Variants in NIPA2 observed in about 807,000 individuals in gnomAD.
NIPA2 encodes NIPA magnesium transporter 2, also known as magnesium transporter NIPA2.
NIPA2 carries 11 observed loss-of-function variants against 29.7 expected under a neutral mutation model. The ratio of observed to expected loss-of-function variants is 0.37; its 90% CI spans 0.23 to 0.61. NIPA2 has a LOEUF of 0.61. NIPA2 is among the 20% of genes least tolerant of loss of function. The probability of loss-of-function intolerance (pLI) is 0.66; values close to 1 mark genes in which losing one functional copy is unlikely to be tolerated. For synonymous variants in NIPA2, 183 were observed against 161.9 expected (o/e 1.13, Z -0.99); for missense variants, 426 against 437.9 (o/e 0.97, Z 0.24).
Position 22,860,747 on chromosome 15 carries a change from A to G in NIPA2, c.406A>G (p.Ile136Val), listed in dbSNP as rs979710423. The G allele has an allele frequency of 4.4e-6, 7 of 1,601,208 alleles. No individual in the cohort carries two copies. Among genetic ancestry groups the G allele is most frequent in the Non-Finnish European group, 6.0e-6 (7 of 1,176,462 alleles). Residue 136 changes from isoleucine (I) to valine (V), a missense_variant, in exon 7 of 8, where the codon ATT becomes GTT. Physicochemically the swap from Ile to Val is conservative, Grantham distance 29. Around this residue, in one of 3 missense-constraint regions of NIPA2, gnomAD observed 357 missense variants for 339.8 expected, o/e 1.05. Transcript: ENST00000337451. ...CATTCATGCTCCAAAGGAAGAGGAG[A>G]TTGAGACTTTAAATGAAATGTCTCA... Reference protein sequence around the residue: ...MVIHAPKEEEIETLNEMSHKL... With the variant: ...MVIHAPKEEEVETLNEMSHKL...
intron 7 of NIPA2, among the ~76,000 whole-genome samples, chr15:22,862,117 G>A (rs1283041660): frequency 7.1e-6 from 1 of 141,422 alleles, no homozygotes; most frequent in Non-Finnish European, 1.5e-5. Context: ...GCGTGATCTC[G>A]GCTCACTGCA....
chr15:22,847,263 G>A (rs951063454), intron 3 of NIPA2, among the ~76,000 whole-genome samples: 1 of 151,866 alleles, frequency 6.6e-6, no homozygotes, highest in African/African-American at 2.4e-5. Context: ...CTTTTTTCTG[G>A]ATATCATCTT....
chr15:22,844,095 G>C (rs1897903256), intron 2 of NIPA2, among the ~76,000 whole-genome samples: 1 of 152,172 alleles, frequency 6.6e-6, no homozygotes, highest in Non-Finnish European at 1.5e-5. Flanking sequence ...TTCCTTATTA[G>C]AATACTAGTC....
Position 22,866,835 on chromosome 15 carries a change from G to T in NIPA2, c.1071G>T (p.Leu357=). ...ATGTCTCCCGAAGAAATGGAAATCTGACAGCTTTTTAAGAAAGGTGTAATT... is the reference window on the plus strand; with the variant it reads ...ATGTCTCCCGAAGAAATGGAAATCTTACAGCTTTTTAAGAAAGGTGTAATT... ...GENVSRRNGN[L]TAF is the part of the protein sequence containing the mutation. Residue 357 remains leucine, a synonymous_variant, in exon 8 of 8, where the codon CTG becomes CTT. Coordinates refer to ENST00000337451, the MANE Select transcript of NIPA2 (RefSeq NM_030922.7). The T allele has an allele frequency of 6.3e-7, 1 of 1,585,054 alleles. No homozygotes were observed. The highest frequency in any genetic ancestry group is 1.1e-5 in the South Asian group (1 of 87,266).
intron 2 of NIPA2, among the ~76,000 whole-genome samples, chr15:22,844,373 A>G (rs1179486032): frequency 1.3e-5 from 2 of 151,968 alleles, no homozygotes; most frequent in Non-Finnish European, 2.9e-5. Context: ...AGCCTGGCCA[A>G]CATAGTGAAA....
Position 22,867,487 on chromosome 15 carries a change from C to CTCA in NIPA2, c.*644_*646dup, listed in dbSNP as rs1454498244. The CTCA allele has an allele frequency of 2.6e-5, 8 of 307,168 alleles. No homozygotes were observed. The highest frequency in any genetic ancestry group is 4.3e-5 in the African/African-American group (2 of 46,744). 19.0% of individuals were successfully genotyped at this position (307,168 alleles called of 1,614,324 possible). A position where few individuals can be genotyped will look rare whatever the true frequency, so the allele number is the denominator to read the frequency against. On this transcript the variant is annotated 3_prime_UTR_variant, in exon 8 of 8. Transcript: ENST00000337451. The stretch of plus-strand genomic sequence containing the variant: ...TCTGAGCATTCGATGGCCTTAGCAC[C>CTCA]TCATCAAGCCAGCACATCCTGCCTG...
In NIPA2 at chr15:22,868,384, A is replaced by G. The variant is rs1018648842; in HGVS notation, c.*1537A>G. The G allele has an allele frequency of 1.4e-4, 22 of 152,200 alleles. No individual in the cohort carries two copies. The highest frequency in any genetic ancestry group is 4.8e-4 in the African/African-American group (20 of 41,440). 9.4% of individuals were successfully genotyped at this position (152,200 alleles called of 1,614,324 possible). A position where few individuals can be genotyped will look rare whatever the true frequency, so the allele number is the denominator to read the frequency against. On this transcript the variant is annotated 3_prime_UTR_variant, in exon 8 of 8. Coordinates refer to ENST00000337451, the MANE Select transcript of NIPA2 (RefSeq NM_030922.7). ...AATAAATAATAAATTCTTATTTAAC[A>G]TTTTGTAGCACTTGAGATTGTCTTA...
intron 2 of NIPA2, among the ~76,000 whole-genome samples, chr15:22,842,913 G>A (rs1355655070): frequency 6.6e-6 from 1 of 151,714 alleles, no homozygotes; most frequent in Non-Finnish European, 1.5e-5. Flanking sequence ...AGAGGCAGGA[G>A]AATGGCATGA....
rs1299979500 is a variant in NIPA2 at position 22,867,107 on chromosome 15, A to G, written c.*260A>G. 4 of 486,386 alleles carry G rather than the reference A, an allele frequency of 8.2e-6. No individual in the cohort carries two copies. The highest frequency in any genetic ancestry group is 8.0e-5 in the African/African-American group (4 of 50,130). 30.1% of individuals were successfully genotyped at this position (486,386 alleles called of 1,614,324 possible). ...ATTTTACATTTTCATCCCTTCTCCA[A>G]AAGCCGAATGCACTAATGACAGTTT... is the stretch of plus-strand genomic sequence containing the variant. On this transcript the variant is annotated 3_prime_UTR_variant, in exon 8 of 8. Transcript: ENST00000337451.
chr15:22,860,409 T>C (rs2058538961), intron 6 of NIPA2, among the ~76,000 whole-genome samples: 1 of 152,202 alleles, frequency 6.6e-6, no homozygotes, highest in Admixed American at 6.5e-5. Flanking sequence ...GGAAAGATGG[T>C]AAGTATACAG....
intron 7 of NIPA2, 57 bp from the exon 8 acceptor site, chr15:22,866,156 C>CT: frequency 7.1e-7 from 1 of 1,413,066 alleles, no homozygotes; most frequent in Non-Finnish European, 9.8e-7. Context: ...GTTTTGCATT[C>CT]TGTGTTTAAG....
chr15:22,844,129 A>G (rs1274556749), intron 2 of NIPA2, among the ~76,000 whole-genome samples: 1 of 152,234 alleles, frequency 6.6e-6, no homozygotes, highest in South Asian at 2.1e-4. Flanking sequence ...TTCTTAAATC[A>G]TGTGTTTTCC....
At chr15:22,844,526 C>T (rs769239905) in intron 2 of NIPA2, among the ~76,000 whole-genome samples, 11 of 151,308 alleles carry the variant, frequency 7.3e-5, no homozygotes, top group Admixed American at 1.3e-4. Context: ...CGCACTCCAG[C>T]CCGGGCGACA....
chr15:22,860,630 G>T lies in NIPA2; in HGVS notation c.289G>T (p.Ala97Ser). 1 of 1,547,344 alleles carries T rather than the reference G, an allele frequency of 6.5e-7. No homozygotes were observed. The highest frequency in any genetic ancestry group is 8.7e-7 in the Non-Finnish European group (1 of 1,153,804). ...AATTTTTTTTCCTCCCCATTTTAGTGCCATTCTTTCTTCATACTTTCTCAA... is the reference window on the plus strand; with the variant it reads ...AATTTTTTTTCCTCCCCATTTTAGTTCCATTCTTTCTTCATACTTTCTCAA... ...PLGALSVLVS[A>S]ILSSYFLNER... Residue 97 changes from alanine (A) to serine (S), a missense_variant and splice_region_variant, in exon 7 of 8, where the codon GCC (alanine) becomes TCC (serine). Physicochemically the swap from Ala to Ser is moderately conservative, Grantham distance 99 (BLOSUM62 1). This residue lies in a region of NIPA2 where 357 missense variants were observed against 339.8 expected (regional missense o/e 1.05). Transcript: ENST00000337451.
chr15:22,846,671 G>A (rs544903704), intron 3 of NIPA2, among the ~76,000 whole-genome samples: 2 of 151,754 alleles, frequency 1.3e-5, no homozygotes, highest in South Asian at 4.2e-4. Context: ...AAATTAGCCA[G>A]GTGGTGTAGT....
intron 5 of NIPA2, among the ~76,000 whole-genome samples, chr15:22,856,554 G>GTT (rs1261785667): frequency 6.6e-6 from 1 of 152,054 alleles, no homozygotes; most frequent in Non-Finnish European, 1.5e-5. Flanking sequence ...AGAAGAAAGA[G>GTT]TTTAACAAGA....
rs1350969728 is a variant in NIPA2, at chr15:22,866,786, G to A, written c.1022G>A (p.Gly341Glu). Residue 341 changes from glycine (G) to glutamate (E), a missense_variant, in exon 8 of 8, where the codon GGA becomes GAA. Transcript: ENST00000337451. ...AATAATGAAGAAAGCTTAACCTGTG[G>A]AATCGAACAACACACTGGTGAAAAT... ...LNNNEESLTC[G>E]IEQHTGENVS... 1 of 1,612,572 alleles carries A rather than the reference G, an allele frequency of 6.2e-7. No individual in the cohort carries two copies. Among genetic ancestry groups the A allele is most frequent in the Non-Finnish European group, 8.5e-7 (1 of 1,179,164 alleles).
intron 2 of NIPA2, among the ~76,000 whole-genome samples, chr15:22,842,964 C>G (rs146099873): frequency 0.023 from 3,472 of 150,456 alleles, 142 homozygotes; most frequent in African/African-American, 0.08. Context: ...GATTGCGTCA[C>G]TGCACTCCAG....
intron 5 of NIPA2, among the ~76,000 whole-genome samples, chr15:22,854,346 C>T (rs892796374): frequency 5.3e-5 from 8 of 151,210 alleles, no homozygotes; most frequent in South Asian, 4.2e-4. Flanking sequence ...AGGATGGTCT[C>T]GATCTCCTGA....
Sources: allele counts gnomAD v4.1 joint callset (sites outside exome capture counted in the v4.1 genomes callset), GRCh38; gene constraint gnomAD v4.1.1; regional missense constraint gnomAD v4.1.1; transcripts MANE v1.5; gene names NCBI Gene and HGNC (gene_info 2026-07-23, HGNC 2026-07-21).